KIF23: variants seen among roughly 807,000 people sequenced by gnomAD.
The protein encoded by KIF23 is kinesin-like protein KIF23.
KIF23 carries 30 observed loss-of-function variants against 137.5 expected under a neutral mutation model. The ratio of observed to expected loss-of-function variants is 0.22; its 90% CI spans 0.16 to 0.30. The LOEUF (loss-of-function observed/expected upper bound fraction) is 0.30, where lower values mean the gene tolerates loss of function less well. Ranked by LOEUF, KIF23 falls within the 10% of genes least tolerant of loss-of-function variation. The pLI, the probability that KIF23 is intolerant of heterozygous loss-of-function variation, is 1.00. For missense variants in KIF23, 920 were observed against 1,194.3 expected, an observed-to-expected ratio of 0.77 and a Z score of 3.38; for synonymous variants, 367 against 391.1, an observed-to-expected ratio of 0.94 and a Z score of 0.73.
At chr15:69,445,879 C>A in intron 20 of KIF23, 130 bp from the exon 21 acceptor site, 1 of 703,022 alleles carries the variant, frequency 1.4e-6, no homozygotes, top group Admixed American at 2.5e-5. Context: ...TCAGCAAGTA[C>A]CAAGTACCAT....
chr15:69,423,316 C>A lies in KIF23; in HGVS notation c.721C>A (p.Pro241Thr). 6.4e-7 allele frequency: 1 copy of A among 1,559,968 alleles called. No homozygotes were observed. Among genetic ancestry groups the A allele is most frequent in the East Asian group, 2.3e-5 (1 of 43,044 alleles). Residue 241 changes from proline to threonine, a missense_variant, in exon 7 of 24, where the codon CCC becomes ACC. Transcript: ENST00000679126. ...YDLLEEVPFD[P>T]IKPKWNSCST... ...TCTATTGGAAGAGGTGCCGTTTGAT[C>A]CCATAAAACCCAAGTAAGTAATAAA...
At chr15:69,439,710 AG>A (rs1440716358) in intron 16 of KIF23, among the ~76,000 whole-genome samples, 193 bp from the exon 17 acceptor site, 11 of 152,190 alleles carry the variant, frequency 7.2e-5, no homozygotes, top group Admixed American at 6.5e-4. Flanking sequence ...TCTTTGGGTG[AG>A]GAGCTTGTTT....
At chr15:69,434,684 G>A (rs2140372647) in intron 11 of KIF23, 2 of 1,480,374 alleles carry the variant, frequency 1.4e-6, no homozygotes, top group East Asian at 4.6e-5. Flanking sequence ...GTTCGCCGTT[G>A]ACCTTGAGCC....
intron 1 of KIF23, among the ~76,000 whole-genome samples, chr15:69,415,202 A>G (rs2056868239): frequency 6.6e-6 from 1 of 152,214 alleles, no homozygotes; most frequent in African/African-American, 2.4e-5. Context: ...TAAGAGGCCG[A>G]AGTCAAAATC....
intron 22 of KIF23, 31 bp downstream of exon 22, chr15:69,446,395 A>G: frequency 6.4e-7 from 1 of 1,564,084 alleles, no homozygotes; most frequent in Non-Finnish European, 8.8e-7. Flanking sequence ...TTGTCTGCCT[A>G]CTAAAATTAG....
intron 20 of KIF23, 58 bp from the exon 21 acceptor site, chr15:69,445,949 ATG>A (rs1316530207): frequency 4.5e-6 from 5 of 1,113,372 alleles, no homozygotes; most frequent in African/African-American, 1.6e-5. Context: ...TGAAATATAT[ATG>A]TGTGTTTTTC....
chr15:69,422,433 CA>C lies in KIF23; in HGVS notation c.563del (p.Lys188AsnfsTer4). ...TGCCCAATCCAAAGACTTCTTCTAG[CA>C]AGTAAGTAATTATATTTGTCTGCAG... ...AMPNPKTSSS[K>X]RQVDPEFADM... is the part of the protein sequence containing the mutation. On this transcript the variant is annotated frameshift_variant and splice_region_variant, in exon 6 of 24. Coordinates refer to ENST00000679126, the MANE Select transcript of KIF23 (RefSeq NM_001367805.3). LOFTEE classifies it high-confidence loss of function. The C allele has an allele frequency of 6.4e-7, 1 of 1,552,498 alleles. No individual in the cohort carries two copies. The highest frequency in any genetic ancestry group is 8.9e-7 in the Non-Finnish European group (1 of 1,124,318).
In KIF23 at chr15:69,444,829, C is replaced by T. The variant is rs1316397233; in HGVS notation, c.2461C>T (p.Leu821Phe). ...QPDQNAPPIR[L>F]RHRRSRSAGD... ...TGATCAGAACGCACCACCAATTCGT[C>T]TCCGACACAGACGATCACGCTCTGC... Residue 821 changes from leucine to phenylalanine, a missense_variant, in exon 20 of 24, where the codon CTC becomes TTC. Leu to Phe is a conservative substitution (Grantham distance 22). This residue lies in a region of KIF23 where 714 missense variants were observed against 866.2 expected (regional missense o/e 0.82). Transcript: ENST00000679126. The surrounding 1 kb of genome is among the most constrained non-coding windows in gnomAD (Gnocchi z 4.2). 3.1e-6 allele frequency: 5 copies of T among 1,614,082 alleles called. No individual in the cohort carries two copies. Among genetic ancestry groups the T allele is most frequent in the Non-Finnish European group, 4.2e-6 (5 of 1,180,050 alleles).
rs973593324 is a variant in KIF23 at position 69,444,068 on chromosome 15, C to G, written c.2422-722C>G. The G allele has an allele frequency of 3.3e-5, 5 of 152,166 alleles. No homozygotes were observed. Among genetic ancestry groups the G allele is most frequent in the Admixed American group, 3.3e-4 (5 of 15,274 alleles). The allele number at this position is 152,166 out of a possible 1,614,324, so 9.4% of individuals were successfully genotyped here. A position where few individuals can be genotyped will look rare whatever the true frequency, so the allele number is the denominator to read the frequency against. ...CAAGTGATTCCTCCACCTCGGCCTTCCAAAGTGCTGATTACAGGCATGTAC... is the reference window on the plus strand; with the variant it reads ...CAAGTGATTCCTCCACCTCGGCCTTGCAAAGTGCTGATTACAGGCATGTAC... On this transcript the variant is annotated intron_variant, in intron 19 of 23. Coordinates refer to ENST00000679126, the MANE Select transcript of KIF23 (RefSeq NM_001367805.3). This position sits in a 1 kb window ranked among gnomAD's most constrained non-coding sequence, Gnocchi z 4.2.
chr15:69,423,204 A>G lies in KIF23; in HGVS notation c.609A>G (p.Glu203=). 3.7e-6 allele frequency: 6 copies of G among 1,603,688 alleles called. No individual in the cohort carries two copies. Among genetic ancestry groups the G allele is most frequent in the Middle Eastern group, 2.2e-4 (1 of 4,622 alleles). The change falls in exon 7 of 24, where the codon GAA becomes GAG. Residue 203 remains glutamate, a synonymous_variant. Coordinates refer to ENST00000679126, the MANE Select transcript of KIF23 (RefSeq NM_001367805.3). ...TTGCAGATATGATAACTGTACAAGAATTCTGCAAAGCAGAAGAGGTTGATG... is the reference window on the plus strand; with the variant it reads ...TTGCAGATATGATAACTGTACAAGAGTTCTGCAAAGCAGAAGAGGTTGATG... The part of the protein sequence containing the change: ...PEFADMITVQ[E]FCKAEEVDED...
At chr15:69,414,535 T>TG (rs1555425983) in intron 1 of KIF23, 59 bp downstream of exon 1, 30 of 1,498,494 alleles carry the variant, frequency 2.0e-5, no homozygotes, top group Non-Finnish European at 2.6e-5. Context: ...GCCTCGGGGC[T>TG]GGGGGCAGGC....
At chr15:69,414,521 C>G (rs1216931642) in intron 1 of KIF23, 45 bp downstream of exon 1, 2 of 1,505,634 alleles carry the variant, frequency 1.3e-6, no homozygotes, top group Admixed American at 4.2e-5. Context: ...GGACGGGGGC[C>G]GAGGCCTCGG....
At chr15:69,433,364 C>G (rs200145188) in intron 11 of KIF23, among the ~76,000 whole-genome samples, 2 of 152,168 alleles carry the variant, frequency 1.3e-5, no homozygotes, top group Non-Finnish European at 2.9e-5. Context: ...TTCTTGAAAG[C>G]TTGATTAGAC....
At chr15:69,427,881 G>A (rs1288259140) in intron 10 of KIF23, among the ~76,000 whole-genome samples, 1 of 152,210 alleles carries the variant, frequency 6.6e-6, no homozygotes, top group Admixed American at 6.5e-5. Context: ...TTATAAGGTT[G>A]TGAGAATTAA....
intron 11 of KIF23, among the ~76,000 whole-genome samples, chr15:69,432,405 G>A (rs541638874): frequency 2.0e-5 from 3 of 152,286 alleles, no homozygotes; most frequent in Admixed American, 6.5e-5. Context: ...CATGGACACC[G>A]AAATAAACCA....
At chr15:69,420,091 C>T (rs1040616488) in intron 3 of KIF23, among the ~76,000 whole-genome samples, 1 of 152,012 alleles carries the variant, frequency 6.6e-6, no homozygotes, top group African/African-American at 2.4e-5. Flanking sequence ...ATGGCGAAAC[C>T]CCATCACTAC....
intron 20 of KIF23, 104 bp from the exon 21 acceptor site, chr15:69,445,905 G>C: frequency 1.2e-6 from 1 of 846,346 alleles, no homozygotes; most frequent in South Asian, 1.6e-5. Flanking sequence ...TTTGTGGATG[G>C]GAATTTCTAT....
chr15:69,429,477 A>G (rs2057296351), intron 11 of KIF23, among the ~76,000 whole-genome samples: 2 of 151,990 alleles, frequency 1.3e-5, no homozygotes, highest in Non-Finnish European at 2.9e-5. Flanking sequence ...TCTAATTTTT[A>G]AAAATTTTTT....
In KIF23 at chr15:69,436,098, T is replaced by A; in HGVS notation, c.1315-40T>A. 1.3e-6 allele frequency: 2 copies of A among 1,597,636 alleles called. 1 individual carries two copies. Among genetic ancestry groups the A allele is most frequent in the Non-Finnish European group, 1.7e-6 (2 of 1,174,870 alleles). On this transcript the variant is annotated intron_variant, in intron 13 of 23. Coordinates refer to ENST00000679126, the MANE Select transcript of KIF23 (RefSeq NM_001367805.3). Reference sequence around the variant, plus strand: ...TTTAGTAATTTCTGGGACTTGGATATCCTTATTTTTTTTTAAACTCCATTT... The same window carrying A: ...TTTAGTAATTTCTGGGACTTGGATAACCTTATTTTTTTTTAAACTCCATTT...
Sources: gnomAD v4.1 joint callset for allele counts (sites outside exome capture counted in the v4.1 genomes callset) on GRCh38, gnomAD v4.1.1 for gene constraint, gnomAD v4.1.1 regional missense constraint, Gnocchi (gnomAD v3.1) non-coding constraint, MANE v1.5 for transcripts, NCBI Gene and HGNC (gene_info 2026-07-23, HGNC 2026-07-21) for gene names.